PPP2R2B: variants seen among roughly 807,000 people sequenced by gnomAD.
PPP2R2B encodes the protein serine/threonine-protein phosphatase 2A 55 kDa regulatory subunit B beta isoform.
In PPP2R2B, 5 loss-of-function variants were observed where a neutral mutation model predicts 46.0. The ratio of observed to expected loss-of-function variants is 0.11; its 90% CI spans 0.06 to 0.23. PPP2R2B has a LOEUF of 0.23. Among genes scored for constraint, PPP2R2B ranks in the 10% least tolerant of loss-of-function variants. The pLI is 1.00. For synonymous variants in PPP2R2B, 215 were observed against 206.7 expected (o/e 1.04, Z -0.34); for missense variants, 367 against 575.0 (o/e 0.64, Z 3.70).
At chr5:146,952,105 G>C (rs7711304) in intron 1 of PPP2R2B, among the ~76,000 whole-genome samples, 109,639 of 151,610 alleles carry the variant, frequency 0.72, 41,256 homozygotes, top group Admixed American at 0.82. Context: ...AAAATTCTAC[G>C]TATATGAGTA....
intron 2 of PPP2R2B, among the ~76,000 whole-genome samples, chr5:146,799,663 C>T (rs941838636): frequency 3.3e-5 from 5 of 152,174 alleles, no homozygotes; most frequent in Non-Finnish European, 5.9e-5. Flanking sequence ...TAGAGGAGAT[C>T]ACCATCAAAA....
chr5:146,837,697 TA>T (rs1274974213), intron 2 of PPP2R2B, among the ~76,000 whole-genome samples: 8 of 152,236 alleles, frequency 5.3e-5, no homozygotes, highest in African/African-American at 1.4e-4. Flanking sequence ...ATATTTTATA[TA>T]TTTTTTTGTA....
chr5:146,797,616 T>C (rs976867700), intron 2 of PPP2R2B, among the ~76,000 whole-genome samples: 10 of 152,240 alleles, frequency 6.6e-5, no homozygotes, highest in African/African-American at 2.4e-4. Flanking sequence ...ACCTATCTAC[T>C]GGGCATCTCC....
At chr5:146,900,237 A>C (rs2151434407) in intron 1 of PPP2R2B, among the ~76,000 whole-genome samples, 1 of 152,334 alleles carries the variant, frequency 6.6e-6, no homozygotes, top group East Asian at 1.9e-4. Flanking sequence ...AGTGTCAAAA[A>C]TAAGTGCCAC....
chr5:146,916,117 A>G (rs1353102585), intron 1 of PPP2R2B, among the ~76,000 whole-genome samples: 1 of 152,230 alleles, frequency 6.6e-6, no homozygotes. Context: ...AGAGGTTTGT[A>G]CAGCATCTGA....
upstream of PPP2R2B, among the ~76,000 whole-genome samples, chr5:147,058,702 A>C (rs756116708): frequency 2.0e-5 from 3 of 152,192 alleles, no homozygotes; most frequent in Non-Finnish European, 4.4e-5. Context: ...AGGCAGAGAG[A>C]ACAAATTTGA....
upstream of PPP2R2B, among the ~76,000 whole-genome samples, chr5:147,057,625 G>T (rs557037413): frequency 5.1e-4 from 77 of 152,314 alleles, no homozygotes; most frequent in African/African-American, 1.8e-3. Context: ...AAAGAAGTGA[G>T]ACAATAGGCA....
At chr5:146,835,659 A>G (rs1759236333) in intron 2 of PPP2R2B, among the ~76,000 whole-genome samples, 1 of 152,152 alleles carries the variant, frequency 6.6e-6, no homozygotes, top group Non-Finnish European at 1.5e-5. Flanking sequence ...AGGTAGCCAC[A>G]GTGCCTGGGC....
At chr5:146,798,488 C>G (rs753208906) in intron 2 of PPP2R2B, among the ~76,000 whole-genome samples, 1 of 152,178 alleles carries the variant, frequency 6.6e-6, no homozygotes, top group East Asian at 1.9e-4. Context: ...CCATACAGCA[C>G]TCACCAGCAT....
In PPP2R2B at chr5:147,005,250, G is replaced by A. The variant is rs1388455070; in HGVS notation, c.79+50415C>T. ...GACCTTAACCTATATACCGGTGGAA[G>A]TTCATTTGTGGAGAATGGGATATGA... On this transcript the variant is annotated intron_variant, in intron 1 of 8. Transcript: ENST00000336640. 2.0e-5 allele frequency among the ~76,000 whole-genome samples: 3 copies of A among 152,286 alleles called. No homozygotes were observed. The East Asian group carries it at 5.8e-4, about 29-fold the overall frequency.
chr5:146,621,902 T>C (rs1773729599), intron 7 of PPP2R2B, among the ~76,000 whole-genome samples: 2 of 152,218 alleles, frequency 1.3e-5, no homozygotes, highest in Admixed American at 1.3e-4. Flanking sequence ...TGCACTTGGT[T>C]AGAGAGTAAG....
intron 2 of PPP2R2B, among the ~76,000 whole-genome samples, chr5:146,798,867 C>T (rs1756695616): frequency 6.6e-6 from 1 of 152,158 alleles, no homozygotes; most frequent in African/African-American, 2.4e-5. Context: ...GTCTGTCTGA[C>T]CTCAGAATTT....
chr5:146,696,806 A>G (rs977844772), intron 4 of PPP2R2B, among the ~76,000 whole-genome samples: 13 of 152,324 alleles, frequency 8.5e-5, no homozygotes, highest in African/African-American at 3.1e-4. Context: ...TTAGACTTCT[A>G]TGCTGGCTTT....
intron 2 of PPP2R2B, among the ~76,000 whole-genome samples, chr5:146,769,820 C>A (rs1175156987): frequency 6.6e-6 from 1 of 152,068 alleles, no homozygotes; most frequent in Non-Finnish European, 1.5e-5. Context: ...GGTAAATACA[C>A]AATTATTTTA....
chr5:146,646,853 A>G (rs1180038799), intron 6 of PPP2R2B, among the ~76,000 whole-genome samples: 1 of 151,478 alleles, frequency 6.6e-6, no homozygotes, highest in South Asian at 2.1e-4. Flanking sequence ...GTGCGTGCGT[A>G]TGTGTGTGTG....
intron 1 of PPP2R2B, among the ~76,000 whole-genome samples, chr5:146,947,391 G>A (rs1764517050): frequency 1.3e-5 from 2 of 152,060 alleles, no homozygotes; most frequent in South Asian, 2.1e-4. Context: ...GGATCAACAG[G>A]GACCAGCACG....
intron 2 of PPP2R2B, chr5:146,707,733 T>A (rs1779952307): frequency 9.0e-6 from 4 of 442,436 alleles, no homozygotes. Flanking sequence ...CTTCTGTTAA[T>A]GACAAGGTGG....
intron 1 of PPP2R2B, chr5:147,055,600 G>A (rs11958187): frequency 0.59 from 834,931 of 1,406,188 alleles, 252,030 homozygotes; most frequent in Middle Eastern, 0.67. Flanking sequence ...AGCAGAACCC[G>A]TGGGAAGTCA....
At chr5:147,027,666 C>T (rs954347747) in intron 1 of PPP2R2B, among the ~76,000 whole-genome samples, 5 of 150,696 alleles carry the variant, frequency 3.3e-5, no homozygotes, top group African/African-American at 1.2e-4. Context: ...GTGTGGATGG[C>T]TAAGGAGATT....
Sources: allele counts gnomAD v4.1 joint callset (sites outside exome capture counted in the v4.1 genomes callset), GRCh38; gene constraint gnomAD v4.1.1; transcripts MANE v1.5; gene names NCBI Gene and HGNC (gene_info 2026-07-23, HGNC 2026-07-21).